The following DTNBP1 variants were observed in gnomAD, a reference collection of about 807,000 sequenced individuals.
DTNBP1 encodes dysbindin.
DTNBP1 carries 35 observed loss-of-function variants against 42.8 expected under a neutral mutation model. The observed-to-expected ratio is 0.82, with a 90% confidence interval of 0.63 to 1.09. DTNBP1 has a LOEUF of 1.09. DTNBP1 is among the 50% of genes least tolerant of loss of function. The probability of loss-of-function intolerance (pLI) is 0.00; values close to 1 mark genes in which losing one functional copy is unlikely to be tolerated. For synonymous variants in DTNBP1, 171 were observed against 162.2 expected, an observed-to-expected ratio of 1.05 and a Z score of -0.41; for missense variants, 457 against 424.2, an observed-to-expected ratio of 1.08 and a Z score of -0.68.
chr6:15,613,662 G>T (rs988383955), intron 6 of DTNBP1, among the ~76,000 whole-genome samples: 3 of 151,970 alleles, frequency 2.0e-5, no homozygotes, highest in African/African-American at 7.2e-5. Context: ...CACTGCACCT[G>T]GCCAAGGACT....
At chr6:15,633,774 C>T (rs1435835486) in intron 4 of DTNBP1, among the ~76,000 whole-genome samples, 1 of 152,072 alleles carries the variant, frequency 6.6e-6, no homozygotes, top group Admixed American at 6.6e-5. Flanking sequence ...CCACCCTGAT[C>T]AGTCGGCAGC....
At chr6:15,608,339 T>G (rs1758193380) in intron 6 of DTNBP1, among the ~76,000 whole-genome samples, 1 of 152,110 alleles carries the variant, frequency 6.6e-6, no homozygotes, top group South Asian at 2.1e-4. Flanking sequence ...ATAATTCAAG[T>G]TATAAATAAA....
intron 4 of DTNBP1, among the ~76,000 whole-genome samples, chr6:15,631,007 T>C (rs1456415530): frequency 6.6e-6 from 1 of 152,222 alleles, no homozygotes; most frequent in Non-Finnish European, 1.5e-5. Flanking sequence ...TAAGACTATA[T>C]AGTTATAATA....
At chr6:15,554,720 G>A (rs953129848) in intron 7 of DTNBP1, among the ~76,000 whole-genome samples, 11 of 152,108 alleles carry the variant, frequency 7.2e-5, no homozygotes, top group Non-Finnish European at 1.0e-4. Context: ...CACATGCAAC[G>A]GAGCTTCATG....
intron 7 of DTNBP1, chr6:15,545,983 A>G (rs1773846514): frequency 2.3e-6 from 1 of 436,180 alleles, no homozygotes; most frequent in Non-Finnish European, 4.5e-6. Context: ...ACCTCCCACC[A>G]TGCACCCTGG....
rs1362935084 is a variant in DTNBP1, at chr6:15,662,827, C to A, written c.43G>T (p.Asp15Tyr). Reference protein sequence around the residue: ...LRERLLSVQQDFTSGLKTLSD... With the variant: ...LRERLLSVQQYFTSGLKTLSD... The stretch of plus-strand genomic sequence containing the variant: ...CCGTATACCCACCCGGAGGTGAAAT[C>A]CTGCTGCACGCTCAGCAGCCGCTCG... Residue 15 changes from aspartate to tyrosine, a missense_variant, in exon 1 of 10, where the codon GAT becomes TAT. Coordinates refer to ENST00000344537, the MANE Select transcript of DTNBP1 (RefSeq NM_032122.5). The A allele has an allele frequency of 6.2e-7, 1 of 1,611,368 alleles. No homozygotes were observed. The highest frequency in any genetic ancestry group is 8.5e-7 in the Non-Finnish European group (1 of 1,179,572).
At chr6:15,610,354 C>A (rs1364927329) in intron 6 of DTNBP1, among the ~76,000 whole-genome samples, 1 of 152,212 alleles carries the variant, frequency 6.6e-6, no homozygotes, top group Non-Finnish European at 1.5e-5. Context: ...GCTCCACTGA[C>A]CAGCCATTCT....
chr6:15,647,617 C>T (rs561314565), intron 3 of DTNBP1, among the ~76,000 whole-genome samples: 7 of 150,450 alleles, frequency 4.7e-5, no homozygotes, highest in African/African-American at 1.5e-4. Context: ...ACTATTACTA[C>T]GAATCTTACA....
chr6:15,525,934 C>A lies in DTNBP1; in HGVS notation c.668-1265G>T, dbSNP rs1009509615. On this transcript the variant is annotated intron_variant, in intron 8 of 9. Transcript: ENST00000344537. ...TTCCAAGCAAGATCAAAGCAATCTT[C>A]ACCTACACCAATTGCTTTGAAGTTG... Among the ~76,000 whole-genome samples, 9 of 152,014 alleles carry A rather than the reference C, an allele frequency of 5.9e-5. No homozygotes were observed. The South Asian group carries it at 8.3e-4, about 14-fold the overall frequency.
chr6:15,660,662 C>A, intron 1 of DTNBP1: 1 of 731,204 alleles, frequency 1.4e-6, no homozygotes, highest in Non-Finnish European at 2.0e-6. Flanking sequence ...GCATGTCTCT[C>A]CTTAACTAAC....
At position 15,522,987 on chromosome 6, in the gene DTNBP1, GTCC is replaced by G. The variant is rs1482803276; in HGVS notation, c.1041_1043del (p.Glu347del). On this transcript the variant is annotated inframe_deletion, in exon 10 of 10. Transcript: ENST00000344537. Reference sequence around the variant, plus strand: ...CCCATGTCCCAATTTAAGAGTCGCTGTCCTCACCACCATCCGGAGTGGCCTCTC... The same window carrying G: ...CCCATGTCCCAATTTAAGAGTCGCTGTCACCACCATCCGGAGTGGCCTCTC... 1 of 1,614,088 alleles carries G rather than the reference GTCC, an allele frequency of 6.2e-7. No individual in the cohort carries two copies. Among genetic ancestry groups the G allele is most frequent in the Non-Finnish European group, 8.5e-7 (1 of 1,180,044 alleles).
At chr6:15,560,337 C>T (rs560263125) in intron 7 of DTNBP1, among the ~76,000 whole-genome samples, 9 of 152,006 alleles carry the variant, frequency 5.9e-5, no homozygotes, top group South Asian at 4.2e-4. Flanking sequence ...CTAGTTATAA[C>T]GATTTAAAAT....
intron 6 of DTNBP1, among the ~76,000 whole-genome samples, chr6:15,613,490 C>T (rs1203088340): frequency 6.6e-6 from 1 of 151,050 alleles, no homozygotes; most frequent in Non-Finnish European, 1.5e-5. Flanking sequence ...CCTCAGCCTC[C>T]CGAGTAGCTG....
chr6:15,622,430 C>T (rs911264675), intron 5 of DTNBP1, among the ~76,000 whole-genome samples: 5 of 152,122 alleles, frequency 3.3e-5, no homozygotes, highest in Admixed American at 6.5e-5. Context: ...ATAATAATGA[C>T]AAGTACATAC....
chr6:15,655,779 A>C (rs1761245728), intron 1 of DTNBP1, among the ~76,000 whole-genome samples: 1 of 152,216 alleles, frequency 6.6e-6, no homozygotes, highest in Admixed American at 6.5e-5. Flanking sequence ...ATACTTAAGA[A>C]AGTAACAAAA....
chr6:15,524,184 G>A lies in DTNBP1; in HGVS notation c.811+342C>T, dbSNP rs750995391. On this transcript the variant is annotated intron_variant, in intron 9 of 9. Coordinates refer to ENST00000344537, the MANE Select transcript of DTNBP1 (RefSeq NM_032122.5). ...AGAGTTTCCCGTGAGCCCCGCAGGA[G>A]AGTCCGCACCTCCCTGCAAACGCCA... is the stretch of plus-strand genomic sequence containing the variant. The A allele has an allele frequency of 2.7e-6, 4 of 1,469,302 alleles. No individual in the cohort carries two copies. The South Asian group carries it at 4.8e-5, about 18-fold the overall frequency. The allele number at this position is 1,469,302 out of a possible 1,614,324, so 91.0% of individuals were successfully genotyped here.
chr6:15,573,867 T>C (rs7751228), intron 7 of DTNBP1, among the ~76,000 whole-genome samples: 1 of 151,976 alleles, frequency 6.6e-6, no homozygotes, highest in Non-Finnish European at 1.5e-5. Context: ...CCACCATGCC[T>C]GGCTAATTGT....
intron 7 of DTNBP1, among the ~76,000 whole-genome samples, chr6:15,580,236 CAA>C (rs1260133556): frequency 6.6e-6 from 1 of 151,974 alleles, no homozygotes; most frequent in African/African-American, 2.4e-5. Context: ...ACACCTCAAA[CAA>C]TAATCAAATT....
intron 7 of DTNBP1, among the ~76,000 whole-genome samples, chr6:15,541,568 G>A (rs1163438807): frequency 6.6e-6 from 1 of 152,054 alleles, no homozygotes; most frequent in Non-Finnish European, 1.5e-5. Context: ...GTTTTTCTAC[G>A]ACGAGTCAAG....
Sources: gnomAD v4.1 joint callset for allele counts (sites outside exome capture counted in the v4.1 genomes callset) on GRCh38, gnomAD v4.1.1 for gene constraint, MANE v1.5 for transcripts, NCBI Gene and HGNC (gene_info 2026-07-23, HGNC 2026-07-21) for gene names.